Variants in PRPSAP1 observed in about 807,000 individuals in gnomAD.
The protein encoded by PRPSAP1 is phosphoribosyl pyrophosphate synthase-associated protein 1.
A neutral mutation model predicts 39.4 loss-of-function variants in PRPSAP1; 31 were observed. The ratio of observed to expected loss-of-function variants is 0.79; its 90% CI spans 0.59 to 1.06. The LOEUF is 1.06. Among genes scored for constraint, PRPSAP1 ranks in the 50% least tolerant of loss-of-function variants. The probability of loss-of-function intolerance (pLI) is 0.00; values close to 1 mark genes in which losing one functional copy is unlikely to be tolerated. For synonymous variants in PRPSAP1, 212 were observed against 192.6 expected, an observed-to-expected ratio of 1.10 and a Z score of -0.83; for missense variants, 430 against 511.6, an observed-to-expected ratio of 0.84 and a Z score of 1.54.
intron 3 of PRPSAP1, among the ~76,000 whole-genome samples, chr17:76,340,989 A>G (rs1480378286): frequency 1.3e-5 from 2 of 149,934 alleles, no homozygotes; most frequent in Non-Finnish European, 3.0e-5. Flanking sequence ...CTGCTGGACT[A>G]TCTAACAAAA....
intron 3 of PRPSAP1, 49 bp from the exon 4 acceptor site, chr17:76,332,484 C>T: frequency 6.3e-7 from 1 of 1,599,108 alleles, no homozygotes; most frequent in Non-Finnish European, 8.6e-7. Context: ...TGTATCAACC[C>T]TAGAAAAGAT....
intron 7 of PRPSAP1, among the ~76,000 whole-genome samples, chr17:76,316,851 G>A (rs1313648588): frequency 6.6e-6 from 1 of 152,168 alleles, no homozygotes; most frequent in Non-Finnish European, 1.5e-5. Context: ...AAGCTGCACT[G>A]ACAACCCTCC....
Position 76,345,880 on chromosome 17 carries a change from G to A in PRPSAP1, c.224-1143C>T, listed in dbSNP as rs534585002. ...TGAAGGGGATGCTAAGGGAGATGAG[G>A]CCAAGGTGAAAGACGAACCACAGAG... On this transcript the variant is annotated intron_variant, in intron 2 of 9. Coordinates refer to ENST00000446526, the MANE Select transcript of PRPSAP1 (RefSeq NM_002766.3). 276 of 418,736 alleles carry A rather than the reference G, an allele frequency of 6.6e-4. 1 individual carries two copies. Among genetic ancestry groups the A allele is most frequent in the Admixed American group, 1.7e-3 (59 of 35,478 alleles). The allele number at this position is 418,736 out of a possible 1,614,324, so 25.9% of individuals were successfully genotyped here.
At chr17:76,341,272 C>G (rs879111681) in intron 3 of PRPSAP1, among the ~76,000 whole-genome samples, 1 of 129,670 alleles carries the variant, frequency 7.7e-6, no homozygotes, top group Admixed American at 8.8e-5. Flanking sequence ...AGATCTGGCT[C>G]TGTTGCCCAG....
chr17:76,344,950 A>G (rs1480109165), intron 2 of PRPSAP1, among the ~76,000 whole-genome samples: 2 of 151,254 alleles, frequency 1.3e-5, no homozygotes, highest in Non-Finnish European at 3.0e-5. Flanking sequence ...AAAATACAAG[A>G]ATTAGCTGGG....
chr17:76,348,395 C>T (rs1173036303), intron 2 of PRPSAP1, 134 bp downstream of exon 2: 1 of 359,762 alleles, frequency 2.8e-6, no homozygotes, highest in African/African-American at 2.2e-5. Context: ...ATTGCTTGAA[C>T]CTGGGAGGCA....
intron 5 of PRPSAP1, chr17:76,330,329 C>T (rs1567803314): frequency 1.7e-6 from 1 of 601,538 alleles, no homozygotes; most frequent in Non-Finnish European, 2.9e-6. Context: ...TTTTAGAAAA[C>T]ATAAGCAAAT....
At chr17:76,319,427 A>G (rs1316868589) in intron 7 of PRPSAP1, 1 of 152,156 alleles carries the variant, frequency 6.6e-6, no homozygotes, top group Non-Finnish European at 1.5e-5. Flanking sequence ...TAGTGTCACT[A>G]AAAAGTTGGC....
In PRPSAP1 at chr17:76,353,645, G is replaced by A. The variant is rs949886665; in HGVS notation, c.59C>T (p.Pro20Leu). Residue 20 changes from proline (P) to leucine (L), a missense_variant, in exon 1 of 10, where the codon CCG (proline) becomes CTG (leucine). Physicochemically the swap from Pro to Leu is moderately conservative, Grantham distance 98. Coordinates refer to ENST00000446526, the MANE Select transcript of PRPSAP1 (RefSeq NM_002766.3). ...CGGCGGGGGAACGGGGCGGGCGCGCGGGACGCGGAAAGCCGAGGACGCGGA... is the reference window on the plus strand; with the variant it reads ...CGGCGGGGGAACGGGGCGGGCGCGCAGGACGCGGAAAGCCGAGGACGCGGA... ...PPSASSAFRV[P>L]RARPVPPPAM... 6.5e-7 allele frequency: 1 copy of A among 1,535,366 alleles called. No homozygotes were observed. The highest frequency in any genetic ancestry group is 8.7e-7 in the Non-Finnish European group (1 of 1,146,756).
rs2071611448 is a variant in PRPSAP1 at position 76,353,823 on chromosome 17, A to G, written c.-120T>C. On this transcript the variant is annotated 5_prime_UTR_variant, in exon 1 of 10. Coordinates refer to ENST00000446526, the MANE Select transcript of PRPSAP1 (RefSeq NM_002766.3). ...TGAGAAACTCGGCGCAAGCGGGGAG[A>G]GCTCCGAGGTCCGTGCCCTTGCGCA... The G allele has an allele frequency of 5.8e-6, 8 of 1,383,248 alleles. No individual in the cohort carries two copies. Among genetic ancestry groups the G allele is most frequent in the Non-Finnish European group, 7.4e-6 (8 of 1,076,924 alleles). 85.7% of individuals were successfully genotyped at this position (1,383,248 alleles called of 1,614,324 possible).
At chr17:76,312,013 A>G (rs138498955) in intron 9 of PRPSAP1, among the ~76,000 whole-genome samples, 3 of 152,316 alleles carry the variant, frequency 2.0e-5, no homozygotes, top group African/African-American at 7.2e-5. Context: ...AAATGCTCCT[A>G]GGGTGTCAAA....
chr17:76,337,383 C>CA (rs2071390225), intron 3 of PRPSAP1: 1 of 152,264 alleles, frequency 6.6e-6, no homozygotes. Context: ...GGCCCCTGTG[C>CA]AAGGATGACA....
chr17:76,345,114 A>G (rs1364621090), intron 2 of PRPSAP1, among the ~76,000 whole-genome samples: 1 of 151,648 alleles, frequency 6.6e-6, no homozygotes, highest in African/African-American at 2.4e-5. Context: ...GGGTGCCTGT[A>G]GTCCCAGCTA....
intron 3 of PRPSAP1, among the ~76,000 whole-genome samples, chr17:76,342,151 G>A (rs577352621): frequency 2.0e-5 from 3 of 151,986 alleles, no homozygotes; most frequent in Non-Finnish European, 2.9e-5. Context: ...CTGAAACACC[G>A]ACAATATGAT....
Position 76,348,539 on chromosome 17 carries a change from C to A in PRPSAP1, c.213G>T (p.Glu71Asp). 1 of 1,484,568 alleles carries A rather than the reference C, an allele frequency of 6.7e-7. No homozygotes were observed. The highest frequency in any genetic ancestry group is 8.9e-7 in the Non-Finnish European group (1 of 1,124,130). 92.0% of individuals were successfully genotyped at this position (1,484,568 alleles called of 1,614,324 possible). ...AELGKSVVYQ[E>D]TNGETRVEIK... is the part of the protein sequence containing the mutation. ...ATAATTTTAACTTACCTCCATTGGT[C>A]TCTTGATATACAACAGACTTCCCCA... is the stretch of plus-strand genomic sequence containing the variant. Residue 71 changes from glutamate to aspartate, a missense_variant, in exon 2 of 10, where the codon GAG (glutamate) becomes GAT (aspartate). Glu to Asp is a conservative substitution (Grantham distance 45). Coordinates refer to ENST00000446526, the MANE Select transcript of PRPSAP1 (RefSeq NM_002766.3).
At chr17:76,315,716 T>C (rs2071115790) in intron 7 of PRPSAP1, among the ~76,000 whole-genome samples, 1 of 135,356 alleles carries the variant, frequency 7.4e-6, no homozygotes, top group Admixed American at 7.3e-5. Context: ...TTTTTTTTTT[T>C]TTTTTTTTTT....
At chr17:76,320,315 G>GGGAGGGAA (rs2071177895) in intron 7 of PRPSAP1, among the ~76,000 whole-genome samples, 1 of 116,378 alleles carries the variant, frequency 8.6e-6, no homozygotes, top group Non-Finnish European at 1.6e-5. Flanking sequence ...AAGGAAGGGA[G>GGGAGGGAA]GAAGGGAAGA....
At chr17:76,328,234 T>TA (rs1482621690) in intron 7 of PRPSAP1, among the ~76,000 whole-genome samples, 1 of 151,172 alleles carries the variant, frequency 6.6e-6, no homozygotes, top group African/African-American at 2.4e-5. Flanking sequence ...ATTCCATTAT[T>TA]AAAAAACAAC....
At chr17:76,329,872 A>G (rs568833272) in intron 6 of PRPSAP1, among the ~76,000 whole-genome samples, 171 bp downstream of exon 6, 9 of 152,038 alleles carry the variant, frequency 5.9e-5, no homozygotes, top group Non-Finnish European at 1.3e-4. Flanking sequence ...TGCTGTCTGG[A>G]GGCTGGAGAT....
Sources: gnomAD v4.1 joint callset for allele counts (sites outside exome capture counted in the v4.1 genomes callset) on GRCh38, gnomAD v4.1.1 for gene constraint, MANE v1.5 for transcripts, NCBI Gene and HGNC (gene_info 2026-07-23, HGNC 2026-07-21) for gene names.